Variants in B3GALNT2 observed in about 807,000 individuals in gnomAD.
The protein encoded by B3GALNT2 is beta-1,3-N-acetylgalactosaminyltransferase 2.
B3GALNT2 carries 53 observed loss-of-function variants against 61.1 expected under a neutral mutation model. The observed-to-expected ratio is 0.87, with a 90% CI of 0.70 to 1.09. The LOEUF is 1.09. B3GALNT2 is among the 50% of genes least tolerant of loss of function. The pLI, the probability that B3GALNT2 is intolerant of heterozygous loss-of-function variation, is 0.00. For missense variants in B3GALNT2, 544 were observed against 623.0 expected (o/e 0.87, Z 1.35); for synonymous variants, 223 against 237.4 (o/e 0.94, Z 0.56).
intron 6 of B3GALNT2, among the ~76,000 whole-genome samples, chr1:235,470,452 T>G (rs1223219308): frequency 6.6e-6 from 1 of 151,278 alleles, no homozygotes; most frequent in Non-Finnish European, 1.5e-5. Flanking sequence ...GTTAGCTGGG[T>G]GTAGTGGTGC....
At chr1:235,473,573 G>A (rs756697572) in intron 5 of B3GALNT2, among the ~76,000 whole-genome samples, 1 of 152,210 alleles carries the variant, frequency 6.6e-6, no homozygotes, top group Non-Finnish European at 1.5e-5. Context: ...ACATTCAAGT[G>A]GAGAAGTTCA....
At chr1:235,441,879 C>G in the B3GALNT2 span, 1 of 1,613,620 alleles carries the variant, frequency 6.2e-7, no homozygotes, top group East Asian at 2.2e-5. Flanking sequence ...AAACCAGCTA[C>G]TAAGTAAGAA....
intron 1 of B3GALNT2, among the ~76,000 whole-genome samples, chr1:235,499,592 C>T (rs764745259): frequency 1.3e-5 from 2 of 152,050 alleles, no homozygotes; most frequent in African/African-American, 2.4e-5. Flanking sequence ...TCTGAAGGTT[C>T]GGTGAAAATC....
At chr1:235,471,376 C>G (rs1463100859) in intron 5 of B3GALNT2, among the ~76,000 whole-genome samples, 1 of 152,130 alleles carries the variant, frequency 6.6e-6, no homozygotes, top group East Asian at 1.9e-4. Context: ...TAAGTATCTA[C>G]TAAAATAATG....
At chr1:235,497,728 G>A (rs377355242) in intron 1 of B3GALNT2, among the ~76,000 whole-genome samples, 14 of 152,144 alleles carry the variant, frequency 9.2e-5, no homozygotes, top group African/African-American at 3.4e-4. Context: ...AATTCTAGCT[G>A]CTGCTCAGTT....
chr1:235,489,241 A>G lies in B3GALNT2; in HGVS notation c.288T>C (p.Ala96=). The change falls in exon 3 of 12, where the codon GCT becomes GCC. Residue 96 remains alanine, a synonymous_variant. Coordinates refer to ENST00000366600, the MANE Select transcript of B3GALNT2 (RefSeq NM_152490.5). ...QRVLVKFIIG[A]HGCEVPVEDR... is the part of the protein sequence containing the mutation. ...CTTCCACAGGCACTTCACAGCCATGAGCACCTATTATGAACTTCACAAGCA... is the reference window on the plus strand; with the variant it reads ...CTTCCACAGGCACTTCACAGCCATGGGCACCTATTATGAACTTCACAAGCA... 1 of 1,613,990 alleles carries G rather than the reference A, an allele frequency of 6.2e-7. No homozygotes were observed. The highest frequency in any genetic ancestry group is 8.5e-7 in the Non-Finnish European group (1 of 1,179,966).
chr1:235,454,146 TCTTA>T lies in B3GALNT2; in HGVS notation c.1311+6_1311+9del. The T allele has an allele frequency of 6.3e-7, 1 of 1,587,680 alleles. No homozygotes were observed. Among genetic ancestry groups the T allele is most frequent in the Non-Finnish European group, 8.6e-7 (1 of 1,166,140 alleles). ...GAGCCACCACGCCAAGCTAAGAAAT[TCTTA>T]ATTACCTGATAGGTCTTTAACCTCC... On this transcript the variant is annotated splice_donor_region_variant and intron_variant, in intron 10 of 11. Coordinates refer to ENST00000366600, the MANE Select transcript of B3GALNT2 (RefSeq NM_152490.5).
rs142036875 is a variant in B3GALNT2 at position 235,450,114 on chromosome 1, C to T, written c.*92G>A. The T allele has an allele frequency of 5.6e-4, 828 of 1,469,068 alleles. 6 individuals are homozygous for T. The African/African-American group carries it at 0.011, about 19-fold the overall frequency. 91.0% of individuals were successfully genotyped at this position (1,469,068 alleles called of 1,614,324 possible). A position where few individuals can be genotyped will look rare whatever the true frequency, so the allele number is the denominator to read the frequency against. On this transcript the variant is annotated 3_prime_UTR_variant, in exon 12 of 12. Coordinates refer to ENST00000366600, the MANE Select transcript of B3GALNT2 (RefSeq NM_152490.5). ...TCTGGAACTCTCTTGAAAGACCATA[C>T]AGTCTACTGCTAAACCCTGGGACTC...
chr1:235,449,861 A>T lies in B3GALNT2; in HGVS notation c.*345T>A, dbSNP rs1168599485. ...CTCAGTTACTACTACAGATTTCTGA[A>T]CTAGGCCAAGTTTTAACCAAAAACT... is the stretch of plus-strand genomic sequence containing the variant. On this transcript the variant is annotated 3_prime_UTR_variant, in exon 12 of 12. Coordinates refer to ENST00000366600, the MANE Select transcript of B3GALNT2 (RefSeq NM_152490.5). 1.0e-5 allele frequency: 2 copies of T among 197,290 alleles called. No homozygotes were observed. The highest frequency in any genetic ancestry group is 5.3e-5 in the Admixed American group (1 of 18,796). The allele number at this position is 197,290 out of a possible 1,614,324, so 12.2% of individuals were successfully genotyped here.
chr1:235,493,855 A>C (rs1685190528), intron 2 of B3GALNT2, among the ~76,000 whole-genome samples: 1 of 152,116 alleles, frequency 6.6e-6, no homozygotes, highest in Non-Finnish European at 1.5e-5. Flanking sequence ...TCAATCCTGA[A>C]AGGGCCTTCT....
At chr1:235,495,022 T>G (rs561403230) in intron 1 of B3GALNT2, among the ~76,000 whole-genome samples, 194 bp from the exon 2 acceptor site, 1 of 152,302 alleles carries the variant, frequency 6.6e-6, no homozygotes, top group East Asian at 1.9e-4. Context: ...TTTAGAGTAT[T>G]TTTGTCTTTC....
At chr1:235,491,299 G>A (rs1685056455) in intron 2 of B3GALNT2, among the ~76,000 whole-genome samples, 1 of 152,128 alleles carries the variant, frequency 6.6e-6, no homozygotes, top group Admixed American at 6.5e-5. Flanking sequence ...AGATAGGAGA[G>A]TCTGACAAAC....
rs1558425516 is a variant in B3GALNT2 at position 235,474,985 on chromosome 1, A to AT, written c.652-4026dup. Reference sequence around the variant, plus strand: ...TATATATATATATATATATATATATATATTTTTTTTTTTTTTTTTTTTTTT... The same window carrying AT: ...TATATATATATATATATATATATATATTATTTTTTTTTTTTTTTTTTTTTTT... On this transcript the variant is annotated intron_variant, in intron 5 of 11. Transcript: ENST00000366600. Among the ~76,000 whole-genome samples the AT allele has an allele frequency of 6.9e-4, 26 of 37,782 alleles. 1 individual carries two copies. Among genetic ancestry groups the AT allele is most frequent in the South Asian group, 2.0e-3 (2 of 984 alleles). 24.8% of individuals were successfully genotyped at this position (37,782 alleles called of 152,430 possible).
intron 3 of B3GALNT2, among the ~76,000 whole-genome samples, chr1:235,485,017 A>G (rs982588765): frequency 6.6e-6 from 1 of 152,266 alleles, no homozygotes; most frequent in East Asian, 1.9e-4. Context: ...GTCACTTCAA[A>G]TAACACTGAA....
At chr1:235,456,021 G>A (rs927508961) in intron 8 of B3GALNT2, among the ~76,000 whole-genome samples, 4 of 152,126 alleles carry the variant, frequency 2.6e-5, no homozygotes, top group Non-Finnish European at 5.9e-5. Context: ...TCTATTAAAC[G>A]CCTGAACCTT....
chr1:235,479,925 G>GTAC, intron 5 of B3GALNT2, 129 bp downstream of exon 5: 1 of 1,433,450 alleles, frequency 7.0e-7, no homozygotes, highest in Non-Finnish European at 9.2e-7. Context: ...TCCACAGTTG[G>GTAC]TACCTTCATC....
At chr1:235,480,315 G>A (rs1022233164) in intron 4 of B3GALNT2, among the ~76,000 whole-genome samples, 166 bp from the exon 5 acceptor site, 8 of 152,058 alleles carry the variant, frequency 5.3e-5, no homozygotes, top group African/African-American at 1.7e-4. Flanking sequence ...GTTTTCTAGT[G>A]CAGTCATGGT....
Position 235,448,473 on chromosome 1 carries a change from C to T in B3GALNT2, c.*1733G>A, listed in dbSNP as rs571403872. ...GCCCAGCAAAATACAAAGTCAAAGTCAAGCTTAGTCCTCGTATTATGACAT... is the reference window on the plus strand; with the variant it reads ...GCCCAGCAAAATACAAAGTCAAAGTTAAGCTTAGTCCTCGTATTATGACAT... On this transcript the variant is annotated 3_prime_UTR_variant, in exon 12 of 12. Transcript: ENST00000366600. The T allele has an allele frequency of 5.7e-5, 91 of 1,589,916 alleles. No individual in the cohort carries two copies. Among genetic ancestry groups the T allele is most frequent in the South Asian group, 2.3e-4 (21 of 90,510 alleles).
In B3GALNT2 at chr1:235,448,516, G is replaced by C; in HGVS notation, c.*1690C>G. ...TATGACATTAAACTGTCTCTAGATA[G>C]CAACAGTTTGATTCTAAATGGAGAC... On this transcript the variant is annotated 3_prime_UTR_variant, in exon 12 of 12. Transcript: ENST00000366600. 1 of 1,473,010 alleles carries C rather than the reference G, an allele frequency of 6.8e-7. No homozygotes were observed. Among genetic ancestry groups the C allele is most frequent in the Non-Finnish European group, 9.5e-7 (1 of 1,051,728 alleles). The allele number at this position is 1,473,010 out of a possible 1,614,324, so 91.2% of individuals were successfully genotyped here.
Sources: gnomAD v4.1 joint callset for allele counts (sites outside exome capture counted in the v4.1 genomes callset) on GRCh38, gnomAD v4.1.1 for gene constraint, MANE v1.5 for transcripts, NCBI Gene and HGNC (gene_info 2026-07-23, HGNC 2026-07-21) for gene names.